Variants in TRIM49 observed in about 807,000 individuals in gnomAD.
TRIM49 encodes the protein tripartite motif containing 49.
TRIM49 carries 5 observed loss-of-function variants against 27.4 expected under a neutral mutation model. The observed-to-expected ratio is 0.18, with a 90% CI of 0.10 to 0.38. TRIM49 has a LOEUF of 0.38. Among genes scored for constraint, TRIM49 ranks in the 10% least tolerant of loss-of-function variants. The pLI is 1.00. For missense variants in TRIM49, 188 were observed against 487.5 expected, an observed-to-expected ratio of 0.39 and a Z score of 5.79; for synonymous variants, 69 against 166.0, an observed-to-expected ratio of 0.42 and a Z score of 4.49.
chr11:89,769,545 G>A, the TRIM49 span, among the ~76,000 whole-genome samples: 1 of 133,560 alleles, frequency 7.5e-6, no homozygotes. Context: ...AGAGTTCTTC[G>A]AGAACCACCT....
chr11:89,806,260 C>T (rs1193609968), intron 2 of TRIM49, among the ~76,000 whole-genome samples: 1 of 150,848 alleles, frequency 6.6e-6, no homozygotes, highest in Non-Finnish European at 1.5e-5. Context: ...CTTATGGGAC[C>T]CCCATATGTG....
At chr11:89,773,736 C>T in the TRIM49 span, among the ~76,000 whole-genome samples, 8 of 133,576 alleles carry the variant, frequency 6.0e-5, no homozygotes, top group Non-Finnish European at 1.2e-4. Flanking sequence ...GTGAGGAGTT[C>T]GAGACCAGCT....
chr11:89,785,150 C>A, the TRIM49 span, among the ~76,000 whole-genome samples: 21 of 145,650 alleles, frequency 1.4e-4, no homozygotes, highest in Non-Finnish European at 1.5e-5. Context: ...ACCGAGGAGG[C>A]AAAGATAGCA....
At chr11:89,782,952 G>A in the TRIM49 span, among the ~76,000 whole-genome samples, 1 of 119,580 alleles carries the variant, frequency 8.4e-6, no homozygotes, top group Non-Finnish European at 1.8e-5. Flanking sequence ...CCAGGCTGGG[G>A]TAGAAAAATG....
At chr11:89,802,461 C>A (rs1368563556) in intron 4 of TRIM49, among the ~76,000 whole-genome samples, 7 of 150,876 alleles carry the variant, frequency 4.6e-5, no homozygotes, top group African/African-American at 1.7e-4. Context: ...TAAGTCATCC[C>A]AGTCTGAAAC....
Position 89,808,537 on chromosome 11 carries a change from C to A in TRIM49, c.-291G>T, listed in dbSNP as rs1332646055. Reference sequence around the variant, plus strand: ...GGATCCCAGTGGTCATGAATCAAAGCTTTGGTTTAAAGTCAATAGGGGGCA... The same window carrying A: ...GGATCCCAGTGGTCATGAATCAAAGATTTGGTTTAAAGTCAATAGGGGGCA... On this transcript the variant is annotated 5_prime_UTR_variant, in exon 1 of 8. Transcript: ENST00000329758. The A allele has an allele frequency of 2.0e-5, 3 of 151,384 alleles. No homozygotes were observed. Among genetic ancestry groups the A allele is most frequent in the Admixed American group, 2.0e-4 (3 of 15,266 alleles). The allele number at this position is 151,384 out of a possible 1,614,324, so 9.4% of individuals were successfully genotyped here.
At chr11:89,772,565 T>C in the TRIM49 span, among the ~76,000 whole-genome samples, 8 of 129,834 alleles carry the variant, frequency 6.2e-5, no homozygotes, top group South Asian at 2.3e-4. Context: ...ATTGATATTT[T>C]ATATCATTTC....
At chr11:89,797,535 A>G (rs1286539093), downstream of TRIM49, 9 of 151,120 alleles carry the variant, frequency 6.0e-5, no homozygotes, top group East Asian at 2.0e-4. Context: ...ATTTCAATTA[A>G]TCCAGCATTG....
chr11:89,770,973 C>T, the TRIM49 span, among the ~76,000 whole-genome samples: 1 of 118,326 alleles, frequency 8.5e-6, no homozygotes, highest in East Asian at 2.7e-4. Flanking sequence ...GTCACTCTAT[C>T]AATTTTTTTT....
downstream of TRIM49, among the ~76,000 whole-genome samples, chr11:89,795,826 G>A (rs1466650496): frequency 8.6e-5 from 13 of 151,598 alleles, 1 homozygote; most frequent in Non-Finnish European, 1.8e-4. Context: ...CATGGCACAT[G>A]TATACATATG....
chr11:89,776,677 G>C, the TRIM49 span, among the ~76,000 whole-genome samples: 1 of 151,990 alleles, frequency 6.6e-6, no homozygotes, highest in Non-Finnish European at 1.5e-5. Context: ...TATTCAGGAG[G>C]ATAGGTTTAC....
the TRIM49 span, among the ~76,000 whole-genome samples, chr11:89,790,936 C>T: frequency 7.9e-5 from 12 of 151,958 alleles, no homozygotes; most frequent in East Asian, 5.8e-4. Context: ...AGTCTTCAGA[C>T]GATCAAACTT....
At chr11:89,785,021 T>C in the TRIM49 span, among the ~76,000 whole-genome samples, 1 of 150,076 alleles carries the variant, frequency 6.7e-6, no homozygotes, top group Non-Finnish European at 1.5e-5. Context: ...ACTAAGAACA[T>C]TGTCAATCAT....
At chr11:89,801,151 G>C (rs1483833617) in intron 5 of TRIM49, among the ~76,000 whole-genome samples, 163 bp from the exon 6 acceptor site, 1 of 150,390 alleles carries the variant, frequency 6.6e-6, no homozygotes, top group Non-Finnish European at 1.5e-5. Flanking sequence ...AACCCAGTCA[G>C]TTGTATTGTT....
downstream of TRIM49, among the ~76,000 whole-genome samples, chr11:89,792,677 A>C (rs1486632651): frequency 3.9e-5 from 6 of 152,172 alleles, no homozygotes; most frequent in Non-Finnish European, 8.8e-5. Context: ...GCAGAAATAA[A>C]GATGTTCTTT....
intron 3 of TRIM49, 101 bp downstream of exon 3, chr11:89,803,958 T>G: frequency 6.2e-7 from 1 of 1,610,012 alleles, no homozygotes; most frequent in Non-Finnish European, 8.5e-7. Context: ...CAGAGCTGCT[T>G]AAAGGGACTC....
At chr11:89,769,611 G>A in the TRIM49 span, among the ~76,000 whole-genome samples, 1 of 127,290 alleles carries the variant, frequency 7.9e-6, no homozygotes, top group Non-Finnish European at 1.6e-5. Context: ...GAGAGATAGA[G>A]CAAAGGTCCC....
At chr11:89,767,868 C>T in the TRIM49 span, among the ~76,000 whole-genome samples, 45,656 of 134,986 alleles carry the variant, frequency 0.34, 11,179 homozygotes, top group Middle Eastern at 0.45. Context: ...TTGAAACGTC[C>T]TGAATTAATT....
At chr11:89,787,386 GC>G in the TRIM49 span, 3 of 289,632 alleles carry the variant, frequency 1.0e-5, no homozygotes, top group Non-Finnish European at 1.9e-5. Context: ...GGAAATTCTG[GC>G]GGCGCGGCGT....
Sources: gnomAD v4.1 joint callset for allele counts (sites outside exome capture counted in the v4.1 genomes callset) on GRCh38, gnomAD v4.1.1 for gene constraint, MANE v1.5 for transcripts, NCBI Gene and HGNC (gene_info 2026-07-23, HGNC 2026-07-21) for gene names.